Variants in SURF4 observed in about 807,000 individuals in gnomAD.
SURF4 encodes the protein surfeit 4.
A neutral mutation model predicts 30.0 loss-of-function variants in SURF4; 3 were observed. The ratio of observed to expected loss-of-function variants is 0.10; its 90% CI spans 0.05 to 0.26. The LOEUF (loss-of-function observed/expected upper bound fraction) is 0.26, where lower values mean the gene tolerates loss of function less well. SURF4 is among the 10% of genes least tolerant of loss of function. The pLI, the probability that SURF4 is intolerant of heterozygous loss-of-function variation, is 1.00. For missense variants in SURF4, 217 were observed against 350.8 expected, an observed-to-expected ratio of 0.62 and a Z score of 3.05; for synonymous variants, 143 against 139.9, an observed-to-expected ratio of 1.02 and a Z score of -0.16.
At chr9:133,369,006 T>G (rs191722266) in intron 1 of SURF4, among the ~76,000 whole-genome samples, 1 of 152,180 alleles carries the variant, frequency 6.6e-6, no homozygotes, top group Non-Finnish European at 1.5e-5. Flanking sequence ...TTTTTCAGCA[T>G]TTTTAAAAGT....
In SURF4 at chr9:133,373,909, C is replaced by CAAAAAAAAAAAAAAA. The variant is rs71824689; in HGVS notation, c.48+1998_48+2012dup. ...CTCCAGCCTGAGCGAAATTCTGTCT[C>CAAAAAAAAAAAAAAA]AAAAAAAAAAAAAAAAAAAAAAAAA... On this transcript the variant is annotated intron_variant, in intron 1 of 5. Coordinates refer to ENST00000371989, the MANE Select transcript of SURF4 (RefSeq NM_033161.4). 1.6e-3 allele frequency among the ~76,000 whole-genome samples: 78 copies of CAAAAAAAAAAAAAAA among 47,546 alleles called. 1 individual carries two copies. The highest frequency in any genetic ancestry group is 2.4e-3 in the Non-Finnish European group (49 of 20,642). 31.2% of individuals were successfully genotyped at this position (47,546 alleles called of 152,430 possible). A position where few individuals can be genotyped will look rare whatever the true frequency, so the allele number is the denominator to read the frequency against.
chr9:133,377,079 C>T (rs185290416), upstream of SURF4, among the ~76,000 whole-genome samples: 52 of 152,260 alleles, frequency 3.4e-4, no homozygotes, highest in South Asian at 1.0e-3. Context: ...AAAATGCATT[C>T]GCTTGGAAAC....
At chr9:133,370,982 A>G (rs1407945546) in intron 1 of SURF4, 1 of 1,288,536 alleles carries the variant, frequency 7.8e-7, no homozygotes, top group Non-Finnish European at 1.0e-6. Context: ...GAAGACTGAT[A>G]TTTCTCTCAA....
chr9:133,364,003 G>A (rs1280964877), intron 5 of SURF4: 1 of 703,210 alleles, frequency 1.4e-6, no homozygotes, highest in South Asian at 1.5e-5. Context: ...GTAACAGGCT[G>A]TGATTTACCA....
chr9:133,363,675 C>T lies in SURF4; in HGVS notation c.628G>A (p.Val210Met). 1 of 1,614,192 alleles carries T rather than the reference C, an allele frequency of 6.2e-7. No individual in the cohort carries two copies. Among genetic ancestry groups the T allele is most frequent in the Non-Finnish European group, 8.5e-7 (1 of 1,180,036 alleles). The change falls in exon 6 of 6, where the codon GTG becomes ATG. Residue 210 changes from valine to methionine, a missense_variant. Coordinates refer to ENST00000371989, the MANE Select transcript of SURF4 (RefSeq NM_033161.4). This position sits in a 1 kb window ranked among gnomAD's most constrained non-coding sequence, Gnocchi z 4.3. Reference protein sequence around the residue: ...KTKLAALTLVVWLFAINVYFN... With the variant: ...KTKLAALTLVMWLFAINVYFN... ...TATACGTTGATGGCAAAGAGCCACA[C>T]AACAAGAGTCAAAGCAGCCAGCTTG...
chr9:133,373,674 T>C (rs1167578143), intron 1 of SURF4, among the ~76,000 whole-genome samples: 2 of 150,676 alleles, frequency 1.3e-5, no homozygotes, highest in Non-Finnish European at 2.9e-5. Flanking sequence ...TCCCAGCACT[T>C]TGGGAGGCTA....
chr9:133,369,258 A>G (rs1837364404), intron 1 of SURF4, among the ~76,000 whole-genome samples: 1 of 152,184 alleles, frequency 6.6e-6, no homozygotes, highest in Non-Finnish European at 1.5e-5. Context: ...CACGGAAGTG[A>G]TGGGAGAAAT....
intron 3 of SURF4, 96 bp downstream of exon 3, chr9:133,366,503 A>G: frequency 7.4e-7 from 1 of 1,357,440 alleles, no homozygotes; most frequent in East Asian, 2.3e-5. Flanking sequence ...CAGGGGGCTG[A>G]AGGGGGAGTG....
chr9:133,368,604 C>A (rs1234049688), intron 1 of SURF4, among the ~76,000 whole-genome samples: 1 of 152,214 alleles, frequency 6.6e-6, no homozygotes, highest in Non-Finnish European at 1.5e-5. Flanking sequence ...CAATGAAACG[C>A]AAGTGTGTGA....
chr9:133,364,157 G>A (rs2130099237), intron 5 of SURF4, among the ~76,000 whole-genome samples: 76 of 152,254 alleles, frequency 5.0e-4, no homozygotes, highest in African/African-American at 5.8e-4. Flanking sequence ...AGTCAGCTCC[G>A]GAGGTGTGCT....
rs1461171553 is a variant in SURF4 at position 133,371,461 on chromosome 9, G to A, written c.49-4016C>T. The stretch of plus-strand genomic sequence containing the variant: ...ATGTCGCCAGCCCAATGTGGGAGAT[G>A]ATGGCCTGGCTTTACTAAAAAACTG... On this transcript the variant is annotated intron_variant, in intron 1 of 5. Coordinates refer to ENST00000371989, the MANE Select transcript of SURF4 (RefSeq NM_033161.4). Among the ~76,000 whole-genome samples, 3 of 152,202 alleles carry A rather than the reference G, an allele frequency of 2.0e-5. No individual in the cohort carries two copies. The East Asian group carries it at 5.8e-4, about 29-fold the overall frequency.
At chr9:133,364,633 G>A (rs1212054647) in intron 5 of SURF4, among the ~76,000 whole-genome samples, 3 of 151,758 alleles carry the variant, frequency 2.0e-5, no homozygotes, top group African/African-American at 4.8e-5. Context: ...CGGAACTTGC[G>A]GTGAGCCGAG....
chr9:133,363,180 C>CA lies in SURF4; in HGVS notation c.*312dup, dbSNP rs1836929535. ...TTGAAGGCCCCCTCCTGTACCCCCA[C>CA]AAAAAAACTCAAAAATAGGACTGAG... On this transcript the variant is annotated 3_prime_UTR_variant, in exon 6 of 6. Coordinates refer to ENST00000371989, the MANE Select transcript of SURF4 (RefSeq NM_033161.4). This position sits in a 1 kb window ranked among gnomAD's most constrained non-coding sequence, Gnocchi z 4.3. The CA allele has an allele frequency of 1.0e-5, 6 of 588,484 alleles. No individual in the cohort carries two copies. The highest frequency in any genetic ancestry group is 1.8e-5 in the Non-Finnish European group (6 of 329,448). The allele number at this position is 588,484 out of a possible 1,614,324, so 36.5% of individuals were successfully genotyped here.
At chr9:133,377,753 A>T (rs1039378854), upstream of SURF4, among the ~76,000 whole-genome samples, 2 of 152,006 alleles carry the variant, frequency 1.3e-5, no homozygotes, top group Admixed American at 6.6e-5. Flanking sequence ...TGGAGGCGGG[A>T]GGATGGTTTT....
chr9:133,376,709 C>T (rs1425551434), upstream of SURF4: 4 of 646,252 alleles, frequency 6.2e-6, no homozygotes, highest in East Asian at 6.5e-5. Context: ...ACCCGGGGGG[C>T]CTCCAACGGT....
At chr9:133,376,563 G>A (rs1564372359), upstream of SURF4, 2 of 1,592,050 alleles carry the variant, frequency 1.3e-6, no homozygotes, top group Non-Finnish European at 8.5e-7. Context: ...AGTACCAGGT[G>A]CCGAGTGTTC....
At chr9:133,375,159 C>G (rs587730193) in intron 1 of SURF4, 56 of 942,384 alleles carry the variant, frequency 5.9e-5, no homozygotes, top group Non-Finnish European at 7.1e-5. Context: ...GGATCGGATC[C>G]TGTCCACCCA....
intron 1 of SURF4, chr9:133,375,119 G>C: frequency 1.5e-6 from 1 of 680,484 alleles, no homozygotes; most frequent in Non-Finnish European, 1.8e-6. Flanking sequence ...TCAAGAAAGA[G>C]GGAAGGGAGT....
intron 1 of SURF4, chr9:133,371,179 T>C (rs1837484491): frequency 1.0e-6 from 1 of 973,146 alleles, no homozygotes; most frequent in African/African-American, 1.8e-5. Flanking sequence ...AGCTTGCAAA[T>C]TCGTGGTGAA....
Sources: allele counts gnomAD v4.1 joint callset (sites outside exome capture counted in the v4.1 genomes callset), GRCh38; gene constraint gnomAD v4.1.1; non-coding constraint Gnocchi (gnomAD v3.1); transcripts MANE v1.5; gene names NCBI Gene and HGNC (gene_info 2026-07-23, HGNC 2026-07-21).